Variants in WWOX observed in about 807,000 individuals in gnomAD.
The protein encoded by WWOX is WW domain-containing oxidoreductase.
In WWOX, 69 loss-of-function variants were observed where a neutral mutation model predicts 46.2. The observed-to-expected ratio is 1.49, with a 90% confidence interval of 1.23 to 1.82. The LOEUF is 1.82. WWOX is among the 40% of genes most tolerant of loss of function. The probability of loss-of-function intolerance (pLI) is 0.00; values close to 1 mark genes in which losing one functional copy is unlikely to be tolerated. For missense variants in WWOX, 919 were observed against 542.6 expected (o/e 1.69, Z -6.89); for synonymous variants, 359 against 202.6 (o/e 1.77, Z -6.56).
intron 8 of WWOX, among the ~76,000 whole-genome samples, chr16:79,180,469 G>C (rs2050888318): frequency 6.6e-6 from 1 of 152,136 alleles, no homozygotes; most frequent in Admixed American, 6.5e-5. Flanking sequence ...TGATGGTGCT[G>C]CCTCTGTAAC....
intron 8 of WWOX, among the ~76,000 whole-genome samples, chr16:78,737,497 C>G (rs1049169133): frequency 1.1e-4 from 16 of 152,066 alleles, no homozygotes; most frequent in African/African-American, 3.4e-4. Context: ...TGAATAAGTT[C>G]TTTAGTGATG....
At chr16:78,280,096 A>G (rs2079649360) in intron 5 of WWOX, among the ~76,000 whole-genome samples, 1 of 152,238 alleles carries the variant, frequency 6.6e-6, no homozygotes, top group Non-Finnish European at 1.5e-5. Context: ...ACAGCTAATC[A>G]TGGCAGGCTC....
chr16:78,998,683 G>C (rs2047036674), intron 8 of WWOX, among the ~76,000 whole-genome samples: 1 of 152,212 alleles, frequency 6.6e-6, no homozygotes, highest in African/African-American at 2.4e-5. Context: ...TGCTCAGCAT[G>C]CATGAAGGAC....
intron 8 of WWOX, among the ~76,000 whole-genome samples, chr16:78,764,105 C>G (rs146711674): frequency 6.6e-6 from 1 of 151,968 alleles, no homozygotes; most frequent in Non-Finnish European, 1.5e-5. Context: ...AGCTGGTGCT[C>G]CAGGATAAAA....
At chr16:78,248,848 A>ACTTAT (rs2037899004) in intron 5 of WWOX, among the ~76,000 whole-genome samples, 1 of 149,826 alleles carries the variant, frequency 6.7e-6, no homozygotes, top group African/African-American at 2.5e-5. Context: ...CTGAGGAAGT[A>ACTTAT]CTTATGCCCC....
At chr16:78,881,106 C>G (rs1421845074) in intron 8 of WWOX, among the ~76,000 whole-genome samples, 1 of 151,738 alleles carries the variant, frequency 6.6e-6, no homozygotes, top group Non-Finnish European at 1.5e-5. Flanking sequence ...ATCCTCCTAC[C>G]TCAGCCTCCC....
At chr16:78,492,731 G>C (rs2084814096) in intron 8 of WWOX, among the ~76,000 whole-genome samples, 1 of 152,194 alleles carries the variant, frequency 6.6e-6, no homozygotes, top group Admixed American at 6.5e-5. Flanking sequence ...TTATGATTCA[G>C]GGAGTAATTG....
chr16:79,112,499 A>G (rs1023345956), intron 8 of WWOX, among the ~76,000 whole-genome samples: 1 of 151,564 alleles, frequency 6.6e-6, no homozygotes, highest in Non-Finnish European at 1.5e-5. Context: ...TCCTTCCCCC[A>G]CCCTGCGAGT....
intron 4 of WWOX, among the ~76,000 whole-genome samples, chr16:78,134,368 A>G (rs2033716037): frequency 6.6e-6 from 1 of 152,056 alleles, no homozygotes; most frequent in African/African-American, 2.4e-5. Context: ...TGCAGTGAAT[A>G]CTTCGCAATG....
intron 5 of WWOX, among the ~76,000 whole-genome samples, chr16:78,289,714 A>G (rs1405178391): frequency 6.6e-6 from 1 of 152,246 alleles, no homozygotes. Flanking sequence ...TAAATAAACA[A>G]TATTTGAAAA....
intron 8 of WWOX, among the ~76,000 whole-genome samples, chr16:78,608,510 T>C (rs1156293485): frequency 1.3e-5 from 2 of 152,084 alleles, no homozygotes; most frequent in African/African-American, 2.4e-5. Context: ...GAAACCGGAG[T>C]TCTCCCTGCT....
intron 8 of WWOX, among the ~76,000 whole-genome samples, chr16:78,810,607 A>T (rs1056780712): frequency 6.6e-6 from 1 of 152,252 alleles, no homozygotes; most frequent in African/African-American, 2.4e-5. Flanking sequence ...GCAGTGCTGG[A>T]GTATTTTACC....
chr16:79,108,288 G>A (rs2150648842), intron 8 of WWOX, among the ~76,000 whole-genome samples: 1 of 152,330 alleles, frequency 6.6e-6, no homozygotes, highest in South Asian at 2.1e-4. Context: ...GTCCTGCAGT[G>A]CCTTCTTGAC....
intron 8 of WWOX, among the ~76,000 whole-genome samples, chr16:79,209,741 A>G (rs532026404): frequency 2.4e-4 from 37 of 152,330 alleles, no homozygotes; most frequent in African/African-American, 7.7e-4. Flanking sequence ...CAATTCTCCA[A>G]TTTGTCTTTA....
intron 8 of WWOX, among the ~76,000 whole-genome samples, chr16:78,876,100 G>T (rs1000150271): frequency 6.6e-6 from 1 of 152,072 alleles, no homozygotes. Context: ...AGGAACTCTA[G>T]ATATTTCAAC....
At chr16:78,486,665 C>T (rs1245963986) in intron 8 of WWOX, among the ~76,000 whole-genome samples, 1 of 152,148 alleles carries the variant, frequency 6.6e-6, no homozygotes, top group African/African-American at 2.4e-5. Context: ...GCCTCTGCCT[C>T]CTGGGTTTAA....
chr16:79,026,677 G>C (rs1301933359), intron 8 of WWOX, among the ~76,000 whole-genome samples: 2 of 144,302 alleles, frequency 1.4e-5, no homozygotes, highest in Admixed American at 7.1e-5. Context: ...CAGTGCAGTG[G>C]CGCGATCTCA....
intron 5 of WWOX, among the ~76,000 whole-genome samples, chr16:78,347,493 C>G (rs2081114328): frequency 8.5e-6 from 1 of 118,018 alleles, no homozygotes; most frequent in African/African-American, 2.9e-5. Flanking sequence ...CATATCATTG[C>G]TATCCCTCCT....
At chr16:78,709,441 C>T (rs2048392457) in intron 8 of WWOX, among the ~76,000 whole-genome samples, 1 of 149,846 alleles carries the variant, frequency 6.7e-6, no homozygotes, top group African/African-American at 2.5e-5. Context: ...CGGGCTCTGT[C>T]AGATCAGCCT....
Sources: allele counts gnomAD v4.1 joint callset (sites outside exome capture counted in the v4.1 genomes callset), GRCh38; gene constraint gnomAD v4.1.1; transcripts MANE v1.5; gene names NCBI Gene and HGNC (gene_info 2026-07-23, HGNC 2026-07-21).